IQGAP2: variants seen among roughly 807,000 people sequenced by gnomAD.
IQGAP2 encodes IQ motif containing GTPase activating protein 2, also known as ras GTPase-activating-like protein IQGAP2.
Under a neutral mutation model 201.3 loss-of-function variants are expected in IQGAP2, and 173 were observed. The ratio of observed to expected loss-of-function variants is 0.86; its 90% CI spans 0.76 to 0.98. IQGAP2 has a LOEUF of 0.98. Among genes scored for constraint, IQGAP2 ranks in the 50% least tolerant of loss-of-function variants. IQGAP2 has a pLI of 0.00. For synonymous variants in IQGAP2, 675 were observed against 673.9 expected, an observed-to-expected ratio of 1.00 and a Z score of -0.03; for missense variants, 1,687 against 1,864.8, an observed-to-expected ratio of 0.90 and a Z score of 1.76.
At chr5:76,684,633 C>T (rs1168407209) in intron 30 of IQGAP2, among the ~76,000 whole-genome samples, 1 of 152,142 alleles carries the variant, frequency 6.6e-6, no homozygotes, top group Non-Finnish European at 1.5e-5. Context: ...TACATTAGAA[C>T]AGTTATGTAT....
chr5:76,657,119 T>C lies in IQGAP2; in HGVS notation c.2321-1340T>C, dbSNP rs1479859715. 2.0e-5 allele frequency among the ~76,000 whole-genome samples: 3 copies of C among 152,206 alleles called. No individual in the cohort carries two copies. The East Asian group carries it at 5.8e-4, about 29-fold the overall frequency. On this transcript the variant is annotated intron_variant, in intron 20 of 35. Transcript: ENST00000274364. ...AAGCCTAGTATTGATAGAGGAAATATTAAATTCGAGCCATAACAATTAGTA... is the reference window on the plus strand; with the variant it reads ...AAGCCTAGTATTGATAGAGGAAATACTAAATTCGAGCCATAACAATTAGTA...
At chr5:76,534,905 A>C (rs1274250387) in intron 2 of IQGAP2, among the ~76,000 whole-genome samples, 1 of 152,234 alleles carries the variant, frequency 6.6e-6, no homozygotes, top group Non-Finnish European at 1.5e-5. Flanking sequence ...AATGACTATC[A>C]GTTGAATTTG....
In IQGAP2 at chr5:76,708,071, G is replaced by C. The variant is rs564134630; in HGVS notation, c.*758G>C. On this transcript the variant is annotated 3_prime_UTR_variant, in exon 36 of 36. Transcript: ENST00000274364. ...ATGCTAAAAAATCAGTATCTAGATG[G>C]TTTTTAAATGTATTCTCTGGAAATT... The C allele has an allele frequency of 2.6e-5, 4 of 152,530 alleles. No homozygotes were observed. Among genetic ancestry groups the C allele is most frequent in the African/African-American group, 9.6e-5 (4 of 41,462 alleles). 9.4% of individuals were successfully genotyped at this position (152,530 alleles called of 1,614,324 possible). A position where few individuals can be genotyped will look rare whatever the true frequency, so the allele number is the denominator to read the frequency against.
chr5:76,471,009 A>T (rs1450544455), intron 2 of IQGAP2, among the ~76,000 whole-genome samples: 1 of 152,214 alleles, frequency 6.6e-6, no homozygotes, highest in Non-Finnish European at 1.5e-5. Context: ...AATCTGCCTA[A>T]AATTTATTCA....
intron 13 of IQGAP2, among the ~76,000 whole-genome samples, chr5:76,620,754 A>T (rs1368754541): frequency 1.3e-5 from 2 of 152,220 alleles, no homozygotes; most frequent in Non-Finnish European, 2.9e-5. Context: ...TTTTAAGGGA[A>T]GAGGAAACAA....
intron 17 of IQGAP2, among the ~76,000 whole-genome samples, chr5:76,641,911 C>T (rs1373150294): frequency 6.6e-6 from 1 of 152,170 alleles, no homozygotes; most frequent in South Asian, 2.1e-4. Context: ...TCCCACCTAA[C>T]TGTAATGTCC....
rs545584812 is a variant in IQGAP2, at chr5:76,536,065, C to CTTTTT, written c.147-26318_147-26314dup. Among the ~76,000 whole-genome samples the CTTTTT allele has an allele frequency of 8.1e-3, 1,000 of 123,664 alleles. 33 individuals carry two copies. Among genetic ancestry groups the CTTTTT allele is most frequent in the African/African-American group, 0.02 (642 of 32,004 alleles). The allele number at this position is 123,664 out of a possible 152,430, so 81.1% of individuals were successfully genotyped here. On this transcript the variant is annotated intron_variant, in intron 2 of 35. Coordinates refer to ENST00000274364, the MANE Select transcript of IQGAP2 (RefSeq NM_006633.5). Reference sequence around the variant, plus strand: ...TTACCTGGCTTTCCAGGAGCATATTCTTTTTTTTTTTTTTTTTGAGATGGC... The same window carrying CTTTTT: ...TTACCTGGCTTTCCAGGAGCATATTCTTTTTTTTTTTTTTTTTTTTTTGAGATGGC...
intron 5 of IQGAP2, among the ~76,000 whole-genome samples, chr5:76,586,891 G>C (rs1219469395): frequency 6.6e-6 from 1 of 152,212 alleles, no homozygotes; most frequent in Non-Finnish European, 1.5e-5. Flanking sequence ...TAAGAAGTGG[G>C]TTTGAGCCTT....
chr5:76,487,656 G>C (rs1756249082), intron 2 of IQGAP2, among the ~76,000 whole-genome samples: 1 of 152,108 alleles, frequency 6.6e-6, no homozygotes, highest in Non-Finnish European at 1.5e-5. Flanking sequence ...GTGGTGCTCA[G>C]GCACATGTAT....
intron 3 of IQGAP2, among the ~76,000 whole-genome samples, chr5:76,563,940 G>T (rs1744558129): frequency 6.7e-6 from 1 of 150,254 alleles, no homozygotes; most frequent in Non-Finnish European, 1.5e-5. Context: ...TAATCTTCAA[G>T]GTTAACAGTA....
At chr5:76,585,373 A>G (rs984933773) in intron 5 of IQGAP2, among the ~76,000 whole-genome samples, 1 of 152,122 alleles carries the variant, frequency 6.6e-6, no homozygotes, top group Non-Finnish European at 1.5e-5. Context: ...CTTTTTTTAT[A>G]GTTTTCTTTG....
chr5:76,665,623 C>T (rs1743687511), intron 22 of IQGAP2, among the ~76,000 whole-genome samples: 1 of 152,178 alleles, frequency 6.6e-6, no homozygotes, highest in African/African-American at 2.4e-5. Context: ...ACCAGTCTCC[C>T]CTTCTATGGG....
chr5:76,520,460 C>G (rs930553551), intron 2 of IQGAP2, among the ~76,000 whole-genome samples: 1 of 152,122 alleles, frequency 6.6e-6, no homozygotes, highest in South Asian at 2.1e-4. Flanking sequence ...CCGCGCCCGG[C>G]GCATTATAGT....
chr5:76,662,894 G>T (rs904142779), intron 21 of IQGAP2, among the ~76,000 whole-genome samples: 2 of 152,186 alleles, frequency 1.3e-5, no homozygotes, highest in African/African-American at 4.8e-5. Flanking sequence ...AGCAATTGGG[G>T]TGACAGAAGT....
At chr5:76,510,617 G>A (rs2150181503) in intron 2 of IQGAP2, 1 of 516,054 alleles carries the variant, frequency 1.9e-6, no homozygotes, top group Non-Finnish European at 3.9e-6. Flanking sequence ...CTCTAGATCA[G>A]AGGGGCCCAG....
At chr5:76,660,289 T>C (rs1743139440) in intron 21 of IQGAP2, 1 of 152,222 alleles carries the variant, frequency 6.6e-6, no homozygotes, top group Admixed American at 6.5e-5. Context: ...AATCATCTCT[T>C]CTAAATATTC....
chr5:76,435,948 G>A (rs752260999), intron 1 of IQGAP2, among the ~76,000 whole-genome samples: 13 of 148,794 alleles, frequency 8.7e-5, no homozygotes, highest in Admixed American at 7.2e-4. Flanking sequence ...TTGTTTGTTT[G>A]TTTGTTTTTT....
chr5:76,607,903 C>G (rs1252505185), intron 12 of IQGAP2: 1 of 152,248 alleles, frequency 6.6e-6, no homozygotes, highest in Non-Finnish European at 1.5e-5. Flanking sequence ...TAACTTTTTC[C>G]CCAATTCTTG....
At chr5:76,496,771 TTCTTTC>T (rs1756995826) in intron 2 of IQGAP2, among the ~76,000 whole-genome samples, 1 of 120,872 alleles carries the variant, frequency 8.3e-6, no homozygotes, top group African/African-American at 4.1e-5. Flanking sequence ...CTTTCTTTCT[TTCTTTC>T]TTTCTTTCTT....
Sources: gnomAD v4.1 joint callset for allele counts (sites outside exome capture counted in the v4.1 genomes callset) on GRCh38, gnomAD v4.1.1 for gene constraint, MANE v1.5 for transcripts, NCBI Gene and HGNC (gene_info 2026-07-23, HGNC 2026-07-21) for gene names.